The following SHC2 variants were observed in gnomAD, a reference collection of about 807,000 sequenced individuals.
The protein encoded by SHC2 is SHC adaptor protein 2, also known as SHC-transforming protein 2.
Under a neutral mutation model 60.6 loss-of-function variants are expected in SHC2, and 62 were observed. The ratio of observed to expected loss-of-function variants is 1.02; its 90% CI spans 0.83 to 1.26. The LOEUF is 1.26. Among genes scored for constraint, SHC2 ranks in the 50% most tolerant of loss-of-function variants. SHC2 has a pLI of 0.00. For missense variants in SHC2, 873 were observed against 822.2 expected (o/e 1.06, Z -0.76); for synonymous variants, 375 against 372.4 (o/e 1.01, Z -0.08).
intron 1 of SHC2, among the ~76,000 whole-genome samples, chr19:452,269 C>T (rs1975220093): frequency 8.1e-6 from 1 of 123,030 alleles, no homozygotes; most frequent in South Asian, 3.1e-4. Flanking sequence ...TGCGTTTCTC[C>T]GTTTCATTGA....
In SHC2 at chr19:440,908, G is replaced by A. The variant is rs371710895; in HGVS notation, c.493C>T (p.Arg165Cys). Reference sequence around the variant, plus strand: ...TTAAAGTCCAGGGAGCGCATAGAGCGGAGAACCTCGATGCAGCCCATGTAC... The same window carrying A: ...TTAAAGTCCAGGGAGCGCATAGAGCAGAGAACCTCGATGCAGCCCATGTAC... ...VRYMGCIEVL[R>C]SMRSLDFNTR... The change falls in exon 2 of 13, where the codon CGC becomes TGC. Residue 165 changes from arginine to cysteine, a missense_variant. Coordinates refer to ENST00000264554, the MANE Select transcript of SHC2 (RefSeq NM_012435.3). This position sits in a 1 kb window ranked among gnomAD's most constrained non-coding sequence, Gnocchi z 7.0. 28 of 1,612,678 alleles carry A rather than the reference G, an allele frequency of 1.7e-5. No individual in the cohort carries two copies. The highest frequency in any genetic ancestry group is 3.3e-4 in the Middle Eastern group (2 of 6,082).
intron 7 of SHC2, among the ~76,000 whole-genome samples, chr19:435,132 C>G (rs1239299287): frequency 6.6e-6 from 1 of 152,244 alleles, no homozygotes; most frequent in Non-Finnish European, 1.5e-5. Flanking sequence ...CCTTTCTGCC[C>G]ACCTCCGGCC....
chr19:460,378 C>A (rs529290121), intron 1 of SHC2, 151 bp downstream of exon 1: 106 of 329,876 alleles, frequency 3.2e-4, no homozygotes, highest in African/African-American at 2.2e-3. Context: ...AGCCGCCGGC[C>A]GCCGGCCGGG....
intron 1 of SHC2, among the ~76,000 whole-genome samples, chr19:442,643 A>G (rs1292812561): frequency 1.8e-5 from 1 of 55,372 alleles, no homozygotes; most frequent in Non-Finnish European, 2.8e-5. Context: ...GGATGGATGG[A>G]TGGGTGGATG....
intron 12 of SHC2, among the ~76,000 whole-genome samples, chr19:417,653 C>T (rs977867276): frequency 6.6e-6 from 1 of 152,250 alleles, no homozygotes; most frequent in African/African-American, 2.4e-5. Context: ...TACTGCCTTC[C>T]AGGTTATTTC....
chr19:434,297 T>C (rs1253362478), intron 8 of SHC2, among the ~76,000 whole-genome samples: 2 of 118,992 alleles, frequency 1.7e-5, no homozygotes, highest in African/African-American at 6.4e-5. Context: ...AGTGAGATCA[T>C]GAGTGAGTGA....
chr19:418,899 C>G (rs751299159), intron 12 of SHC2, 24 bp downstream of exon 12: 2 of 1,570,524 alleles, frequency 1.3e-6, no homozygotes, highest in Non-Finnish European at 1.7e-6. Flanking sequence ...GCAAGGCCAG[C>G]GACCCACGGC....
At position 438,758 on chromosome 19, in the gene SHC2, G is replaced by A; in HGVS notation, c.680C>T (p.Ser227Phe). 1 of 1,573,280 alleles carries A rather than the reference G, an allele frequency of 6.4e-7. No homozygotes were observed. Among genetic ancestry groups the A allele is most frequent in the Non-Finnish European group, 8.6e-7 (1 of 1,160,672 alleles). The change falls in exon 4 of 13, where the codon TCC (serine) becomes TTC (phenylalanine). Residue 227 changes from serine to phenylalanine, a missense_variant. Physicochemically the swap from Ser to Phe is radical, Grantham distance 155. Transcript: ENST00000264554. This position sits in a 1 kb window ranked among gnomAD's most constrained non-coding sequence, Gnocchi z 5.0. The stretch of plus-strand genomic sequence containing the variant: ...CACGGAGAGGCTGAGGCCATCAGTG[G>A]AGATGTGGATGGAGATGCTCATGCC... ...FAGMSISIHISTDGLSLSVPA... is the reference protein window; with the variant it reads ...FAGMSISIHIFTDGLSLSVPA...
chr19:454,878 C>A (rs556819510), intron 1 of SHC2, among the ~76,000 whole-genome samples: 3 of 152,288 alleles, frequency 2.0e-5, no homozygotes, highest in African/African-American at 7.2e-5. Flanking sequence ...GGGGAAGGCC[C>A]GTCCTGCCTC....
chr19:459,487 A>G (rs746333873), intron 1 of SHC2, among the ~76,000 whole-genome samples: 5 of 146,874 alleles, frequency 3.4e-5, no homozygotes, highest in Non-Finnish European at 7.6e-5. Flanking sequence ...AGGGGGAAGG[A>G]CCCCACTGAA....
intron 1 of SHC2, among the ~76,000 whole-genome samples, chr19:442,526 G>A (rs1974904229): frequency 1.2e-5 from 1 of 86,586 alleles, no homozygotes. Flanking sequence ...TGGATGGGTG[G>A]GTGGATGGAT....
chr19:418,434 G>A (rs1270559480), intron 12 of SHC2, among the ~76,000 whole-genome samples: 3 of 152,234 alleles, frequency 2.0e-5, no homozygotes, highest in African/African-American at 2.4e-5. Context: ...AAAGGCTCAC[G>A]GCGGCCAAAA....
rs1349893164 is a variant in SHC2 at position 458,193 on chromosome 19, G to A, written c.468+2336C>T. On this transcript the variant is annotated intron_variant, in intron 1 of 12. Coordinates refer to ENST00000264554, the MANE Select transcript of SHC2 (RefSeq NM_012435.3). ...GAGGCAGACGCATGTTCCGGGGGACGGGGAAGTGGGTTCCGGGGAGGCAGA... is the reference window on the plus strand; with the variant it reads ...GAGGCAGACGCATGTTCCGGGGGACAGGGAAGTGGGTTCCGGGGAGGCAGA... Among the ~76,000 whole-genome samples the A allele has an allele frequency of 5.9e-5, 7 of 117,904 alleles. 1 individual carries two copies. The highest frequency in any genetic ancestry group is 2.2e-4 in the African/African-American group (7 of 32,504). 77.3% of individuals were successfully genotyped at this position (117,904 alleles called of 152,430 possible).
At chr19:417,466 A>G (rs974045593) in intron 12 of SHC2, 144 bp from the exon 13 acceptor site, 3 of 152,390 alleles carry the variant, frequency 2.0e-5, no homozygotes, top group African/African-American at 7.2e-5. Flanking sequence ...CTCAGGTCGC[A>G]TGGCTGGGGC....
intron 1 of SHC2, among the ~76,000 whole-genome samples, chr19:456,698 T>TA (rs1975350079): frequency 6.6e-6 from 1 of 152,152 alleles, no homozygotes; most frequent in Non-Finnish European, 1.5e-5. Flanking sequence ...CCTTTGCACC[T>TA]GCTGTGCCCC....
intron 4 of SHC2, among the ~76,000 whole-genome samples, chr19:437,237 AGCTCATCTGCGTGCTCGTTTGCGT>A (rs1974745527): frequency 7.3e-6 from 1 of 136,544 alleles, no homozygotes; most frequent in Non-Finnish European, 1.6e-5. Context: ...CTCGTTTGCG[AGCTCATCTGCGTGCTCGTTTGCGT>A]GCTCGTCTGC....
At chr19:427,570 G>A (rs1472319052) in intron 9 of SHC2, among the ~76,000 whole-genome samples, 1 of 141,098 alleles carries the variant, frequency 7.1e-6, no homozygotes, top group Non-Finnish European at 1.5e-5. Context: ...AATTGCGCAC[G>A]GCACAGGGAA....
At chr19:452,447 A>G (rs12974627) in intron 1 of SHC2, among the ~76,000 whole-genome samples, 86 of 97,070 alleles carry the variant, frequency 8.9e-4, no homozygotes, top group Admixed American at 1.5e-3. Context: ...GAATTCCTGC[A>G]TAGGTGTGCG....
In SHC2 at chr19:438,303, G is replaced by C. The variant is rs1256151685; in HGVS notation, c.720+415C>G. ...CTCACAGTGCTGGGGTTACAGGCGTGAGCAACCAAGCCCGAGCCTGGTCTG... is the reference window on the plus strand; with the variant it reads ...CTCACAGTGCTGGGGTTACAGGCGTCAGCAACCAAGCCCGAGCCTGGTCTG... On this transcript the variant is annotated intron_variant, in intron 4 of 12. Transcript: ENST00000264554. The surrounding 1 kb of genome is among the most constrained non-coding windows in gnomAD (Gnocchi z 5.0). Among the ~76,000 whole-genome samples, 1 of 152,242 alleles carries C rather than the reference G, an allele frequency of 6.6e-6. No homozygotes were observed. Among genetic ancestry groups the C allele is most frequent in the South Asian group, 2.1e-4 (1 of 4,836 alleles).
Sources: gnomAD v4.1 joint callset for allele counts (sites outside exome capture counted in the v4.1 genomes callset) on GRCh38, gnomAD v4.1.1 for gene constraint, Gnocchi (gnomAD v3.1) non-coding constraint, MANE v1.5 for transcripts, NCBI Gene and HGNC (gene_info 2026-07-23, HGNC 2026-07-21) for gene names.